CLEC16A: variants seen among roughly 807,000 people sequenced by gnomAD.
CLEC16A encodes protein CLEC16A.
Under a neutral mutation model 109.5 loss-of-function variants are expected in CLEC16A, and 51 were observed. The observed-to-expected ratio is 0.47, with a 90% CI of 0.37 to 0.59. The LOEUF is 0.59. Ranked by LOEUF, CLEC16A falls within the 20% of genes least tolerant of loss-of-function variation. The pLI is 0.00. For synonymous variants in CLEC16A, 673 were observed against 564.2 expected, an observed-to-expected ratio of 1.19 and a Z score of -2.73; for missense variants, 1,339 against 1,394.0, an observed-to-expected ratio of 0.96 and a Z score of 0.63.
chr16:11,102,509 A>C (rs2050978445), intron 19 of CLEC16A, among the ~76,000 whole-genome samples: 2 of 152,244 alleles, frequency 1.3e-5, no homozygotes, highest in Non-Finnish European at 2.9e-5. Flanking sequence ...TCACTCTGTG[A>C]ACTAATTTCT....
At chr16:11,044,970 C>G (rs958945724) in intron 16 of CLEC16A, among the ~76,000 whole-genome samples, 4 of 150,944 alleles carry the variant, frequency 2.6e-5, no homozygotes, top group African/African-American at 9.7e-5. Flanking sequence ...TTTGTTTTAG[C>G]TTTTAAGGCA....
At chr16:11,091,324 G>A (rs1011614314) in intron 19 of CLEC16A, among the ~76,000 whole-genome samples, 1 of 152,220 alleles carries the variant, frequency 6.6e-6, no homozygotes, top group African/African-American at 2.4e-5. Context: ...ATTCAGTATC[G>A]GCCACTTGAT....
At chr16:11,152,214 G>A (rs920908181) in intron 22 of CLEC16A, among the ~76,000 whole-genome samples, 5 of 152,204 alleles carry the variant, frequency 3.3e-5, no homozygotes, top group African/African-American at 1.2e-4. Flanking sequence ...GAAAGTGGAA[G>A]CCTTAGGCCG....
intron 22 of CLEC16A, among the ~76,000 whole-genome samples, chr16:11,151,742 G>A (rs1387111277): frequency 1.3e-5 from 2 of 152,200 alleles, no homozygotes; most frequent in Admixed American, 6.5e-5. Flanking sequence ...ATTTAGTTCA[G>A]TCCGTTAAGC....
At chr16:10,953,714 C>T (rs2041847315) in intron 1 of CLEC16A, among the ~76,000 whole-genome samples, 2 of 152,208 alleles carry the variant, frequency 1.3e-5, no homozygotes, top group Non-Finnish European at 2.9e-5. Context: ...CGGTGGCTCA[C>T]GCCTGTAATC....
chr16:11,107,887 G>T (rs546909471), intron 19 of CLEC16A, among the ~76,000 whole-genome samples: 9 of 152,328 alleles, frequency 5.9e-5, no homozygotes, highest in Admixed American at 5.9e-4. Flanking sequence ...CTGGGCTGTT[G>T]ATTGACCCCT....
chr16:11,121,130 T>C (rs2052379272), intron 20 of CLEC16A, among the ~76,000 whole-genome samples: 3 of 152,248 alleles, frequency 2.0e-5, no homozygotes, highest in Admixed American at 2.0e-4. Flanking sequence ...GTGTGTGTTT[T>C]TTATGATATC....
chr16:11,137,229 G>A (rs141608010), intron 22 of CLEC16A, among the ~76,000 whole-genome samples: 60 of 151,922 alleles, frequency 3.9e-4, no homozygotes, highest in Non-Finnish European at 5.2e-4. Flanking sequence ...TTTATCAACC[G>A]CAAGTTCTCA....
intron 22 of CLEC16A, among the ~76,000 whole-genome samples, chr16:11,158,108 G>A (rs1263850596): frequency 6.6e-6 from 1 of 152,188 alleles, no homozygotes; most frequent in Admixed American, 6.5e-5. Context: ...TCCAAGGAAG[G>A]AGCCGACAAG....
chr16:11,070,099 C>T (rs1196876011), intron 19 of CLEC16A, among the ~76,000 whole-genome samples: 1 of 150,358 alleles, frequency 6.7e-6, no homozygotes, highest in Non-Finnish European at 1.5e-5. Context: ...GAGACGGAGT[C>T]TCACCCTATT....
chr16:11,060,872 T>C (rs753813568), intron 18 of CLEC16A, 30 bp from the exon 19 acceptor site: 1 of 1,568,062 alleles, frequency 6.4e-7, no homozygotes. Flanking sequence ...GCAATCTCAC[T>C]CTTCTCTGCT....
intron 22 of CLEC16A, among the ~76,000 whole-genome samples, chr16:11,151,525 AAAAG>A (rs1403509839): frequency 6.6e-6 from 1 of 152,222 alleles, no homozygotes. Context: ...ATTCCTGCCA[AAAAG>A]AGAGAGAGTC....
At chr16:11,001,657 G>A (rs1178187364) in intron 10 of CLEC16A, among the ~76,000 whole-genome samples, 1 of 152,110 alleles carries the variant, frequency 6.6e-6, no homozygotes, top group East Asian at 1.9e-4. Context: ...AACCACAGTT[G>A]ACACTAGCCT....
In CLEC16A at chr16:10,962,489, T is replaced by C. The variant is rs2146095058; in HGVS notation, c.244T>C (p.Leu82=). ...GGAGAAGAATATGTTTGTTTTCTTC[T>C]TGAACATCTTGCGGCAAAAGTCGGG... is the stretch of plus-strand genomic sequence containing the variant. ...FLEKNMFVFF[L]NILRQKSGRY... is the part of the protein sequence containing the mutation. The change falls in exon 3 of 24, where the codon TTG becomes CTG. Residue 82 remains leucine (L), a synonymous_variant. Transcript: ENST00000409790. The C allele has an allele frequency of 1.2e-6, 2 of 1,614,012 alleles. No individual in the cohort carries two copies. The highest frequency in any genetic ancestry group is 1.7e-6 in the Non-Finnish European group (2 of 1,179,884).
At chr16:11,011,989 A>T (rs2045447455) in intron 11 of CLEC16A, among the ~76,000 whole-genome samples, 1 of 152,160 alleles carries the variant, frequency 6.6e-6, no homozygotes, top group African/African-American at 2.4e-5. Flanking sequence ...TTGCTTAAAA[A>T]ACAGTTCAGG....
chr16:11,090,998 C>G (rs561350020), intron 19 of CLEC16A, among the ~76,000 whole-genome samples: 163 of 152,220 alleles, frequency 1.1e-3, no homozygotes, highest in African/African-American at 3.6e-3. Flanking sequence ...TGAGGTCTCA[C>G]TACGTTGCCC....
chr16:10,971,191 A>G lies in CLEC16A; in HGVS notation c.559A>G (p.Arg187Gly). Residue 187 changes from arginine to glycine, a missense_variant, in exon 5 of 24, where the codon AGA becomes GGA. Transcript: ENST00000409790. ...TTTCAACCACCCTGAAAGCATGGTT[A>G]GAATTGCTGTAAGAACCATAACTTT... ...KFFNHPESMV[R>G]IAVRTITLNV... 1 of 1,613,702 alleles carries G rather than the reference A, an allele frequency of 6.2e-7. No homozygotes were observed. Among genetic ancestry groups the G allele is most frequent in the Non-Finnish European group, 8.5e-7 (1 of 1,179,642 alleles).
rs113999870 is a variant in CLEC16A at position 10,961,733 on chromosome 16, T to C, written c.210-722T>C. On this transcript the variant is annotated intron_variant, in intron 2 of 23. Transcript: ENST00000409790. The surrounding 1 kb of genome is among the most constrained non-coding windows in gnomAD (Gnocchi z 4.3). ...TTATTTTCCCCTAGAACTTGACAATTTGGGAGCCACAGTACATTTGGTTGT... is the reference window on the plus strand; with the variant it reads ...TTATTTTCCCCTAGAACTTGACAATCTGGGAGCCACAGTACATTTGGTTGT... Among the ~76,000 whole-genome samples, 949 of 152,292 alleles carry C rather than the reference T, an allele frequency of 6.2e-3. 4 individuals are homozygous for C. The highest frequency in any genetic ancestry group is 0.022 in the African/African-American group (917 of 41,544).
chr16:11,102,259 A>C (rs2050964373), intron 19 of CLEC16A, among the ~76,000 whole-genome samples: 1 of 152,208 alleles, frequency 6.6e-6, no homozygotes, highest in African/African-American at 2.4e-5. Context: ...ATTGCGTTTC[A>C]CTTAAATCAC....
Sources: gnomAD v4.1 joint callset for allele counts (sites outside exome capture counted in the v4.1 genomes callset) on GRCh38, gnomAD v4.1.1 for gene constraint, Gnocchi (gnomAD v3.1) non-coding constraint, MANE v1.5 for transcripts, NCBI Gene and HGNC (gene_info 2026-07-23, HGNC 2026-07-21) for gene names.